MAGI2: variants seen among roughly 807,000 people sequenced by gnomAD.
The protein encoded by MAGI2 is membrane associated guanylate kinase, WW and PDZ domain containing 2, also known as membrane-associated guanylate kinase, WW and PDZ domain-containing protein 2.
In MAGI2, 35 loss-of-function variants were observed where a neutral mutation model predicts 133.3. The observed-to-expected ratio is 0.26, with a 90% CI of 0.20 to 0.35. MAGI2 has a LOEUF of 0.35. Among genes scored for constraint, MAGI2 ranks in the 10% least tolerant of loss-of-function variants. MAGI2 has a pLI of 1.00. For missense variants in MAGI2, 1,636 were observed against 1,863.4 expected (o/e 0.88, Z 2.25); for synonymous variants, 729 against 710.6 (o/e 1.03, Z -0.41).
chr7:78,806,133 G>A (rs1335584330), intron 2 of MAGI2, among the ~76,000 whole-genome samples: 1 of 152,130 alleles, frequency 6.6e-6, no homozygotes, highest in East Asian at 1.9e-4. Flanking sequence ...CTTTATATAA[G>A]CAGTATAAGT....
At chr7:79,384,620 A>G (rs1005338743) in intron 1 of MAGI2, among the ~76,000 whole-genome samples, 12 of 151,740 alleles carry the variant, frequency 7.9e-5, no homozygotes, top group African/African-American at 2.9e-4. Flanking sequence ...ATTGAATTTC[A>G]CTTGTGGTGA....
chr7:78,817,713 ACTT>A (rs1330614121), intron 2 of MAGI2, among the ~76,000 whole-genome samples: 3 of 150,140 alleles, frequency 2.0e-5, no homozygotes, highest in Non-Finnish European at 4.5e-5. Flanking sequence ...TATAGTGTAA[ACTT>A]TTTTTTTTTT....
At chr7:78,676,601 C>T (rs1252930498) in intron 2 of MAGI2, among the ~76,000 whole-genome samples, 2 of 152,108 alleles carry the variant, frequency 1.3e-5, no homozygotes, top group Non-Finnish European at 2.9e-5. Context: ...CAGATTATTT[C>T]AGCTCAATCC....
At chr7:78,377,848 T>A (rs1400840918) in intron 6 of MAGI2, among the ~76,000 whole-genome samples, 4 of 147,824 alleles carry the variant, frequency 2.7e-5, no homozygotes, top group African/African-American at 9.9e-5. Context: ...AAGAGCAGAC[T>A]ATTTATAGAA....
chr7:78,979,552 A>G (rs1422194984), intron 2 of MAGI2, among the ~76,000 whole-genome samples: 9 of 151,812 alleles, frequency 5.9e-5, no homozygotes, highest in Non-Finnish European at 1.3e-4. Context: ...AAGTTATTCA[A>G]ACAAACTATT....
intron 6 of MAGI2, among the ~76,000 whole-genome samples, chr7:78,419,269 T>C (rs1013621028): frequency 1.3e-5 from 2 of 152,148 alleles, no homozygotes; most frequent in African/African-American, 4.8e-5. Context: ...AAGAGGAACC[T>C]TGGACAAATA....
At chr7:79,280,422 G>C (rs1015934791) in intron 1 of MAGI2, among the ~76,000 whole-genome samples, 1 of 152,044 alleles carries the variant, frequency 6.6e-6, no homozygotes, top group African/African-American at 2.4e-5. Context: ...ATGGAATCTA[G>C]GATGTAAGAG....
In MAGI2 at chr7:79,081,948, G is replaced by A. The variant is rs143547603; in HGVS notation, c.302-74742C>T. On this transcript the variant is annotated intron_variant, in intron 1 of 21. Coordinates refer to ENST00000354212, the MANE Select transcript of MAGI2 (RefSeq NM_012301.4). ...ATAACGTTGCTATGAACATTCATGT[G>A]TAAGTTTTCTGTTGACATACATTTT... 3.6e-3 allele frequency among the ~76,000 whole-genome samples: 551 copies of A among 152,214 alleles called. 3 individuals carry two copies. Among genetic ancestry groups the A allele is most frequent in the African/African-American group, 0.013 (528 of 41,554 alleles).
intron 2 of MAGI2, among the ~76,000 whole-genome samples, chr7:78,871,248 T>C (rs887684437): frequency 1.3e-5 from 2 of 152,070 alleles, no homozygotes; most frequent in African/African-American, 4.8e-5. Context: ...GAGGCGAAGC[T>C]TGCCGTGAGC....
intron 6 of MAGI2, among the ~76,000 whole-genome samples, chr7:78,462,957 T>A (rs1790220124): frequency 6.6e-6 from 1 of 152,140 alleles, no homozygotes; most frequent in Non-Finnish European, 1.5e-5. Context: ...TCTACAAGGT[T>A]TCTAAAATTG....
At chr7:78,756,118 A>C (rs1435054380) in intron 2 of MAGI2, among the ~76,000 whole-genome samples, 1 of 135,772 alleles carries the variant, frequency 7.4e-6, no homozygotes, top group South Asian at 2.2e-4. Flanking sequence ...CAAACAAGAT[A>C]TATATCAGGT....
intron 2 of MAGI2, among the ~76,000 whole-genome samples, chr7:78,777,536 CACT>C (rs1354356091): frequency 6.6e-6 from 1 of 152,172 alleles, no homozygotes; most frequent in Non-Finnish European, 1.5e-5. Context: ...TCATTATCTT[CACT>C]ACTATCACTA....
chr7:79,439,394 G>A (rs1042422292), intron 1 of MAGI2, among the ~76,000 whole-genome samples: 6 of 152,106 alleles, frequency 3.9e-5, no homozygotes, highest in Non-Finnish European at 8.8e-5. Context: ...TCATAAGGAA[G>A]CGATAGCCAT....
At chr7:78,201,299 C>A (rs765091609) in intron 10 of MAGI2, 106 bp from the exon 11 acceptor site, 12 of 534,086 alleles carry the variant, frequency 2.2e-5, no homozygotes, top group Middle Eastern at 4.9e-4. Context: ...TAGTTAACAG[C>A]GAACAATAAC....
rs1232590824 is a variant in MAGI2 at position 79,324,606 on chromosome 7, A to G, written c.301+128414T>C. Among the ~76,000 whole-genome samples the G allele has an allele frequency of 5.1e-5, 2 of 39,494 alleles. 1 individual carries two copies. Among genetic ancestry groups the G allele is most frequent in the African/African-American group, 1.7e-4 (2 of 11,812 alleles). 25.9% of individuals were successfully genotyped at this position (39,494 alleles called of 152,430 possible). ...CATATATATATAACAATATATATAT[A>G]AAAAATATATATAATATATATATTA... On this transcript the variant is annotated intron_variant, in intron 1 of 21. Coordinates refer to ENST00000354212, the MANE Select transcript of MAGI2 (RefSeq NM_012301.4).
intron 10 of MAGI2, among the ~76,000 whole-genome samples, chr7:78,214,158 T>C (rs1439397325): frequency 6.6e-6 from 1 of 152,218 alleles, no homozygotes; most frequent in Non-Finnish European, 1.5e-5. Context: ...CACTGATTTG[T>C]CTATTTCAGA....
intron 2 of MAGI2, among the ~76,000 whole-genome samples, chr7:78,992,611 G>A (rs1420882072): frequency 6.6e-6 from 1 of 151,884 alleles, no homozygotes; most frequent in Non-Finnish European, 1.5e-5. Flanking sequence ...TTTTGTATCA[G>A]AAAACCAGGT....
At chr7:78,910,260 A>AT (rs1442379170) in intron 2 of MAGI2, among the ~76,000 whole-genome samples, 2 of 102,354 alleles carry the variant, frequency 2.0e-5, no homozygotes, top group Non-Finnish European at 3.9e-5. Context: ...ACTTAAAGTA[A>AT]TTCTTTTTTT....
At chr7:78,500,602 T>C (rs1419887970) in intron 5 of MAGI2, among the ~76,000 whole-genome samples, 1 of 152,192 alleles carries the variant, frequency 6.6e-6, no homozygotes, top group Non-Finnish European at 1.5e-5. Flanking sequence ...AAAAATTATA[T>C]TTTTTAAAAA....
Sources: allele counts gnomAD v4.1 joint callset (sites outside exome capture counted in the v4.1 genomes callset), GRCh38; gene constraint gnomAD v4.1.1; transcripts MANE v1.5; gene names NCBI Gene and HGNC (gene_info 2026-07-23, HGNC 2026-07-21).